The following TBC1D9 variants were observed in gnomAD, a reference collection of about 807,000 sequenced individuals.
TBC1D9 encodes TBC1 domain family member 9A.
In TBC1D9, 63 loss-of-function variants were observed where a neutral mutation model predicts 132.0. The ratio of observed to expected loss-of-function variants is 0.48; its 90% CI spans 0.39 to 0.59. The LOEUF is 0.59. Among genes scored for constraint, TBC1D9 ranks in the 20% least tolerant of loss-of-function variants. TBC1D9 has a pLI of 0.00. For missense variants in TBC1D9, 1,261 were observed against 1,592.7 expected (o/e 0.79, Z 3.54); for synonymous variants, 610 against 609.9 (o/e 1.00, Z 0.00).
chr4:140,637,152 C>G (rs1458892089), intron 15 of TBC1D9, among the ~76,000 whole-genome samples: 2 of 152,096 alleles, frequency 1.3e-5, no homozygotes, highest in African/African-American at 2.4e-5. Flanking sequence ...GAGTTCGAGA[C>G]CAGCATGGCC....
At chr4:140,643,629 G>T in intron 13 of TBC1D9, 2 of 1,009,356 alleles carry the variant, frequency 2.0e-6, no homozygotes, top group Non-Finnish European at 1.4e-6. Context: ...CGCAGGAACC[G>T]CCACAGGCAC....
intron 9 of TBC1D9, among the ~76,000 whole-genome samples, chr4:140,664,039 C>CAAAAAAAAAAAAAAA (rs1560877849): frequency 1.2e-5 from 1 of 81,250 alleles, no homozygotes; most frequent in Admixed American, 1.2e-4. Context: ...ACTCTCCCCA[C>CAAAAAAAAAAAAAAA]CAAAAAAAAA....
intron 2 of TBC1D9, among the ~76,000 whole-genome samples, chr4:140,691,773 A>C (rs1319820141): frequency 6.6e-6 from 1 of 152,256 alleles, no homozygotes; most frequent in African/African-American, 2.4e-5. Context: ...TAATGGCCAG[A>C]GGCCCTAAAT....
chr4:140,662,168 A>G, intron 9 of TBC1D9, 61 bp from the exon 10 acceptor site: 1 of 1,323,550 alleles, frequency 7.6e-7, no homozygotes, highest in Non-Finnish European at 1.1e-6. Flanking sequence ...TTGGTTTGCA[A>G]CTACAGCTTA....
intron 13 of TBC1D9, chr4:140,645,399 G>A (rs1263964542): frequency 8.7e-6 from 4 of 458,920 alleles, no homozygotes; most frequent in Non-Finnish European, 1.7e-5. Flanking sequence ...CTGGACACCA[G>A]AGCCCGCGCA....
intron 1 of TBC1D9, among the ~76,000 whole-genome samples, chr4:140,732,288 A>G (rs1007744402): frequency 2.0e-5 from 3 of 152,250 alleles, no homozygotes; most frequent in African/African-American, 7.2e-5. Flanking sequence ...CCTCCAAGAC[A>G]TCAAGTCTCC....
In TBC1D9 at chr4:140,662,037, A is replaced by G; in HGVS notation, c.1659T>C (p.Tyr553=). ...EDLVEKSMGK[Y]NLATEEIERD... Reference sequence around the variant, plus strand: ...TCTCAATCTCCTCCGTGGCGAGATTATACTTCCCCATGGACTTCTCCACTA... The same window carrying G: ...TCTCAATCTCCTCCGTGGCGAGATTGTACTTCCCCATGGACTTCTCCACTA... Residue 553 remains tyrosine (Y), a synonymous_variant, in exon 10 of 21, where the codon TAT becomes TAC. Transcript: ENST00000442267. 2 of 1,613,954 alleles carry G rather than the reference A, an allele frequency of 1.2e-6. No individual in the cohort carries two copies. Among genetic ancestry groups the G allele is most frequent in the Non-Finnish European group, 1.7e-6 (2 of 1,179,878 alleles).
intron 2 of TBC1D9, among the ~76,000 whole-genome samples, chr4:140,687,342 T>TTATA (rs1560885798): frequency 3.7e-5 from 2 of 54,526 alleles, no homozygotes; most frequent in Non-Finnish European, 7.2e-5. Context: ...TGTGTGTGTG[T>TTATA]CATATATATA....
chr4:140,647,826 T>C (rs1040994934), intron 13 of TBC1D9, among the ~76,000 whole-genome samples: 3 of 152,134 alleles, frequency 2.0e-5, no homozygotes, highest in Non-Finnish European at 4.4e-5. Context: ...ATGTAAACCG[T>C]GGACTCCAAG....
chr4:140,656,637 C>G (rs977140516), intron 13 of TBC1D9, among the ~76,000 whole-genome samples: 1 of 152,200 alleles, frequency 6.6e-6, no homozygotes, highest in African/African-American at 2.4e-5. Flanking sequence ...CTAACTTGCC[C>G]ATTGCATCCT....
At chr4:140,742,649 T>C (rs941546902) in intron 1 of TBC1D9, among the ~76,000 whole-genome samples, 1 of 152,064 alleles carries the variant, frequency 6.6e-6, no homozygotes, top group Non-Finnish European at 1.5e-5. Flanking sequence ...TTCTTCACAG[T>C]TCTCTAGTTT....
At chr4:140,684,302 A>T (rs1737748660) in intron 3 of TBC1D9, among the ~76,000 whole-genome samples, 1 of 152,042 alleles carries the variant, frequency 6.6e-6, no homozygotes, top group Admixed American at 6.6e-5. Flanking sequence ...ATGCTACATA[A>T]GGTGTTTGGA....
At position 140,642,841 on chromosome 4, in the gene TBC1D9, C is replaced by T; in HGVS notation, c.2338-3413G>A. The T allele has an allele frequency of 6.9e-6, 4 of 580,674 alleles. No individual in the cohort carries two copies. The South Asian group carries it at 9.1e-5, about 13-fold the overall frequency. 36.0% of individuals were successfully genotyped at this position (580,674 alleles called of 1,614,324 possible). ...TCTTGCGGGCGGGCGACAGGGCTCT[C>T]GGGGGCGTGGGTCTGTTTCCACGGC... On this transcript the variant is annotated intron_variant, in intron 13 of 20. Transcript: ENST00000442267.
At chr4:140,695,450 C>T (rs887402264) in intron 2 of TBC1D9, among the ~76,000 whole-genome samples, 4 of 152,226 alleles carry the variant, frequency 2.6e-5, no homozygotes, top group African/African-American at 9.6e-5. Context: ...TGTCAGTGAG[C>T]TGTCCGTCAA....
At chr4:140,678,912 T>C in intron 5 of TBC1D9, 30 bp downstream of exon 5, 1 of 1,605,890 alleles carries the variant, frequency 6.2e-7, no homozygotes, top group Non-Finnish European at 8.5e-7. Flanking sequence ...ATTTCTAAAG[T>C]CTGGAAGATA....
intron 1 of TBC1D9, among the ~76,000 whole-genome samples, chr4:140,719,515 T>C (rs184372177): frequency 1.3e-5 from 2 of 152,254 alleles, no homozygotes; most frequent in East Asian, 3.9e-4. Flanking sequence ...TCCCAGGAAG[T>C]AGTCACCATG....
chr4:140,664,831 G>T (rs180938964), intron 9 of TBC1D9, among the ~76,000 whole-genome samples: 1 of 152,068 alleles, frequency 6.6e-6, no homozygotes, highest in Non-Finnish European at 1.5e-5. Context: ...ACTCAAGGCC[G>T]GGTGCAGTGG....
At chr4:140,662,188 T>C in intron 9 of TBC1D9, 81 bp from the exon 10 acceptor site, 1 of 1,104,754 alleles carries the variant, frequency 9.1e-7, no homozygotes, top group Non-Finnish European at 1.4e-6. Flanking sequence ...ATGATTGAAC[T>C]GCTTTACTTT....
intron 6 of TBC1D9, among the ~76,000 whole-genome samples, chr4:140,672,403 A>C (rs1213650776): frequency 6.6e-6 from 1 of 152,072 alleles, no homozygotes; most frequent in Non-Finnish European, 1.5e-5. Flanking sequence ...ATAACACTTA[A>C]GGCATGTATT....
Sources: gnomAD v4.1 joint callset for allele counts (sites outside exome capture counted in the v4.1 genomes callset) on GRCh38, gnomAD v4.1.1 for gene constraint, MANE v1.5 for transcripts, NCBI Gene and HGNC (gene_info 2026-07-23, HGNC 2026-07-21) for gene names.